Variants in ANKRD10 observed in about 807,000 individuals in gnomAD.
ANKRD10 encodes the protein ankyrin repeat domain 10.
A neutral mutation model predicts 27.0 loss-of-function variants in ANKRD10; 14 were observed. The observed-to-expected ratio is 0.52, with a 90% CI of 0.34 to 0.81. ANKRD10 has a LOEUF of 0.81. ANKRD10 is among the 40% of genes least tolerant of loss of function. The pLI, the probability that ANKRD10 is intolerant of heterozygous loss-of-function variation, is 0.01. For synonymous variants in ANKRD10, 250 were observed against 224.5 expected, an observed-to-expected ratio of 1.11 and a Z score of -1.01; for missense variants, 493 against 544.0, an observed-to-expected ratio of 0.91 and a Z score of 0.93.
At chr13:110,901,669 C>T (rs2065384139) in intron 3 of ANKRD10, among the ~76,000 whole-genome samples, 1 of 152,186 alleles carries the variant, frequency 6.6e-6, no homozygotes, top group Non-Finnish European at 1.5e-5. Flanking sequence ...ATAACTATCT[C>T]AGGAACTGAT....
intron 4 of ANKRD10, among the ~76,000 whole-genome samples, chr13:110,885,260 A>AG (rs1462961825): frequency 2.2e-4 from 33 of 149,358 alleles, no homozygotes; most frequent in African/African-American, 3.9e-4. Flanking sequence ...AAAGAGAGAG[A>AG]AAAAAAAAAG....
intron 4 of ANKRD10, chr13:110,892,757 C>A: frequency 8.8e-7 from 1 of 1,130,912 alleles, no homozygotes; most frequent in Non-Finnish European, 1.1e-6. Flanking sequence ...ATTAAAAAAT[C>A]TAATTCATGG....
intron 1 of ANKRD10, among the ~76,000 whole-genome samples, chr13:110,910,977 T>C (rs1460808757): frequency 6.6e-6 from 1 of 152,046 alleles, no homozygotes; most frequent in African/African-American, 2.4e-5. Flanking sequence ...AGACGGTAGA[T>C]AGAAATAGAA....
intron 4 of ANKRD10, among the ~76,000 whole-genome samples, chr13:110,884,465 A>G (rs1177848074): frequency 6.6e-6 from 1 of 152,116 alleles, no homozygotes; most frequent in Non-Finnish European, 1.5e-5. Flanking sequence ...TCCTAGCAAG[A>G]CTCACTTCTT....
At chr13:110,892,867 T>C (rs2065119535) in intron 4 of ANKRD10, 161 bp downstream of exon 4, 2 of 1,427,742 alleles carry the variant, frequency 1.4e-6, no homozygotes, top group Admixed American at 2.9e-5. Flanking sequence ...ATCTTCGCAG[T>C]GGCAGTACAG....
chr13:110,893,338 G>A lies in ANKRD10; in HGVS notation c.456-75C>T, dbSNP rs1415522840. 3 of 1,406,730 alleles carry A rather than the reference G, an allele frequency of 2.1e-6. No individual in the cohort carries two copies. In the African/African-American group the frequency reaches 4.3e-5, roughly 20 times the overall value. 87.1% of individuals were successfully genotyped at this position (1,406,730 alleles called of 1,614,324 possible). On this transcript the variant is annotated intron_variant, in intron 3 of 5. Transcript: ENST00000267339. ...GTCTCTGCTCCTGCTGAACTGACTA[G>A]CTATCTGAAGGTGGTATGAAAGAGT...
chr13:110,882,155 C>T (rs527483160), intron 5 of ANKRD10, among the ~76,000 whole-genome samples: 1 of 152,298 alleles, frequency 6.6e-6, no homozygotes, highest in South Asian at 2.1e-4. Flanking sequence ...ACACTTGACC[C>T]TCCCGAGTCT....
chr13:110,908,888 T>C (rs1266468157), intron 2 of ANKRD10, among the ~76,000 whole-genome samples: 3 of 152,146 alleles, frequency 2.0e-5, no homozygotes, highest in African/African-American at 7.2e-5. Context: ...TAGGCACATG[T>C]GAGGACTTGG....
intron 4 of ANKRD10, among the ~76,000 whole-genome samples, chr13:110,888,739 TA>T (rs1286271881): frequency 1.3e-5 from 2 of 152,218 alleles, no homozygotes; most frequent in African/African-American, 4.8e-5. Context: ...GGGAAAGTGT[TA>T]AAACTTTCCA....
intron 3 of ANKRD10, among the ~76,000 whole-genome samples, chr13:110,901,084 G>A (rs1311229739): frequency 6.6e-6 from 1 of 151,776 alleles, no homozygotes; most frequent in East Asian, 1.9e-4. Flanking sequence ...ATTCCTAGAT[G>A]GAAATAAGCA....
At position 110,878,739 on chromosome 13, in the gene ANKRD10, A is replaced by G. The variant is rs1417866944; in HGVS notation, c.*898T>C. ...CTAGACAAAAGCTAATTTCTACAAAATCAAAAACTTAATGCAGTTTTATTA... is the reference window on the plus strand; with the variant it reads ...CTAGACAAAAGCTAATTTCTACAAAGTCAAAAACTTAATGCAGTTTTATTA... On this transcript the variant is annotated 3_prime_UTR_variant, in exon 6 of 6. Transcript: ENST00000267339. The G allele has an allele frequency of 6.5e-6, 1 of 152,690 alleles. No homozygotes were observed. Among genetic ancestry groups the G allele is most frequent in the Non-Finnish European group, 1.5e-5 (1 of 68,050 alleles). 9.5% of individuals were successfully genotyped at this position (152,690 alleles called of 1,614,324 possible). A position where few individuals can be genotyped will look rare whatever the true frequency, so the allele number is the denominator to read the frequency against.
rs1566440818 is a variant in ANKRD10, at chr13:110,879,342, T to C, written c.*295A>G. On this transcript the variant is annotated 3_prime_UTR_variant, in exon 6 of 6. Transcript: ENST00000267339. ...TATAATCTTTTAACAAAAAGAAAAATGGCAATATCTGGTGACAGTATTAAA... is the reference window on the plus strand; with the variant it reads ...TATAATCTTTTAACAAAAAGAAAAACGGCAATATCTGGTGACAGTATTAAA... The C allele has an allele frequency of 9.3e-6, 3 of 322,318 alleles. No homozygotes were observed. The highest frequency in any genetic ancestry group is 4.3e-5 in the Admixed American group (1 of 23,014). The allele number at this position is 322,318 out of a possible 1,614,324, so 20.0% of individuals were successfully genotyped here. A position where few individuals can be genotyped will look rare whatever the true frequency, so the allele number is the denominator to read the frequency against.
chr13:110,885,476 A>G (rs1298260840), intron 4 of ANKRD10, among the ~76,000 whole-genome samples: 1 of 152,104 alleles, frequency 6.6e-6, no homozygotes, highest in Non-Finnish European at 1.5e-5. Flanking sequence ...AGAACCCAGG[A>G]GGCGGAGGTT....
intron 3 of ANKRD10, among the ~76,000 whole-genome samples, chr13:110,902,734 CAT>C (rs978540521): frequency 6.6e-6 from 1 of 152,212 alleles, no homozygotes. Flanking sequence ...GAGACTCTGC[CAT>C]TAAACACTGG....
At chr13:110,896,690 T>A (rs909244612) in intron 3 of ANKRD10, among the ~76,000 whole-genome samples, 4 of 152,266 alleles carry the variant, frequency 2.6e-5, no homozygotes, top group Non-Finnish European at 4.4e-5. Flanking sequence ...ACTACTCAAT[T>A]CTTTTGTTGT....
chr13:110,886,659 C>A (rs2064938707), intron 4 of ANKRD10, among the ~76,000 whole-genome samples: 1 of 152,192 alleles, frequency 6.6e-6, no homozygotes, highest in South Asian at 2.1e-4. Flanking sequence ...TAAGACCCTA[C>A]CACCTGTGGC....
chr13:110,911,823 A>T (rs1317766960), intron 1 of ANKRD10: 2 of 152,372 alleles, frequency 1.3e-5, no homozygotes, highest in Admixed American at 6.5e-5. Flanking sequence ...AACTTTGTGT[A>T]GCCATAGTAA....
chr13:110,899,452 C>T (rs978325892), intron 3 of ANKRD10, among the ~76,000 whole-genome samples: 3 of 152,202 alleles, frequency 2.0e-5, no homozygotes, highest in African/African-American at 4.8e-5. Context: ...TAGCCTACCT[C>T]CTTGGTCCTC....
intron 3 of ANKRD10, chr13:110,900,643 C>A: frequency 7.4e-7 from 1 of 1,352,008 alleles, no homozygotes; most frequent in Non-Finnish European, 9.8e-7. Flanking sequence ...ATATGGAATG[C>A]TCCCCCTTTC....
Sources: gnomAD v4.1 joint callset for allele counts (sites outside exome capture counted in the v4.1 genomes callset) on GRCh38, gnomAD v4.1.1 for gene constraint, MANE v1.5 for transcripts, NCBI Gene and HGNC (gene_info 2026-07-23, HGNC 2026-07-21) for gene names.